Variants in POGZ observed in about 807,000 individuals in gnomAD.
POGZ encodes pogo transposable element derived with ZNF domain, also known as pogo transposable element with ZNF domain.
POGZ carries 17 observed loss-of-function variants against 134.6 expected under a neutral mutation model. The observed-to-expected ratio is 0.13, with a 90% CI of 0.09 to 0.19. The LOEUF (loss-of-function observed/expected upper bound fraction) is 0.19, where lower values mean the gene tolerates loss of function less well. Ranked by LOEUF, POGZ falls within the 10% of genes least tolerant of loss-of-function variation. POGZ has a pLI of 1.00. For synonymous variants in POGZ, 693 were observed against 657.1 expected, an observed-to-expected ratio of 1.05 and a Z score of -0.84; for missense variants, 1,306 against 1,769.7, an observed-to-expected ratio of 0.74 and a Z score of 4.70.
chr1:151,437,289 C>A (rs1659760496), intron 3 of POGZ, among the ~76,000 whole-genome samples: 1 of 150,222 alleles, frequency 6.7e-6, no homozygotes, highest in Non-Finnish European at 1.5e-5. Flanking sequence ...TTAATCACAT[C>A]TTTAATGTAG....
rs576019291 is a variant in POGZ, at chr1:151,421,270, AC to A, written c.1678+2126del. ...TTGCATATTTCTACTGCCTAGTGTT[AC>A]TGTAAGCCATTAATGTCAATCCCAC... On this transcript the variant is annotated intron_variant, in intron 10 of 18. Transcript: ENST00000271715. Among the ~76,000 whole-genome samples, 753 of 152,166 alleles carry A rather than the reference AC, an allele frequency of 4.9e-3. 11 individuals are homozygous for A. The highest frequency in any genetic ancestry group is 0.017 in the African/African-American group (721 of 41,488).
chr1:151,445,170 C>T (rs1571554541), intron 1 of POGZ, among the ~76,000 whole-genome samples: 1 of 152,190 alleles, frequency 6.6e-6, no homozygotes. Flanking sequence ...ATCTCTTCTC[C>T]TTAGGTATGA....
intron 10 of POGZ, among the ~76,000 whole-genome samples, chr1:151,420,796 A>G (rs2102253932): frequency 6.6e-6 from 1 of 152,290 alleles, no homozygotes; most frequent in East Asian, 1.9e-4. Flanking sequence ...ATATCTCATT[A>G]ATTTTAAATT....
intron 11 of POGZ, 61 bp from the exon 12 acceptor site, chr1:151,411,832 A>T: frequency 6.9e-7 from 1 of 1,447,916 alleles, no homozygotes; most frequent in Non-Finnish European, 9.2e-7. Flanking sequence ...GAGGCCTTAA[A>T]AAAAAAGGTA....
intron 12 of POGZ, among the ~76,000 whole-genome samples, chr1:151,410,142 T>C (rs1654411280): frequency 6.6e-6 from 1 of 152,212 alleles, no homozygotes. Context: ...TCTCCTCTAG[T>C]GGCTCTCTTC....
At chr1:151,424,822 A>C in intron 8 of POGZ, 133 bp downstream of exon 8, 1 of 604,448 alleles carries the variant, frequency 1.7e-6, no homozygotes, top group South Asian at 2.0e-5. Context: ...AGCTCTTCTA[A>C]AAACAGACCA....
chr1:151,453,241 G>A (rs771202710), intron 1 of POGZ, among the ~76,000 whole-genome samples: 2 of 151,800 alleles, frequency 1.3e-5, no homozygotes, highest in African/African-American at 2.4e-5. Flanking sequence ...TTTCGCATGC[G>A]TGAAATTTTC....
chr1:151,426,967 T>C (rs1657892233), intron 7 of POGZ: 1 of 152,168 alleles, frequency 6.6e-6, no homozygotes. Context: ...GGCATGCTCA[T>C]GGCTCACTGC....
In POGZ at chr1:151,405,069, G is replaced by A. The variant is rs1653329983; in HGVS notation, c.3966C>T (p.Ser1322=). 6.2e-7 allele frequency: 1 copy of A among 1,614,216 alleles called. No homozygotes were observed. The highest frequency in any genetic ancestry group is 1.3e-5 in the African/African-American group (1 of 75,048). Residue 1322 remains serine, a synonymous_variant, in exon 19 of 19, where the codon TCC becomes TCT. Coordinates refer to ENST00000271715, the MANE Select transcript of POGZ (RefSeq NM_015100.4). This position sits in a 1 kb window ranked among gnomAD's most constrained non-coding sequence, Gnocchi z 4.9. ...CAGGCAGAACACTAGCCACCAGGAA[G>A]GAGCGCTGAACTAGCTCTGGACAGT... The part of the protein sequence containing the change: ...IGDCPELVQR[S]FLVASVLPGP...
At chr1:151,443,667 T>C (rs1015140016) in intron 1 of POGZ, among the ~76,000 whole-genome samples, 1 of 152,002 alleles carries the variant, frequency 6.6e-6, no homozygotes, top group African/African-American at 2.4e-5. Flanking sequence ...GAGCCACAAT[T>C]CACGCCACTG....
intron 7 of POGZ, 112 bp from the exon 8 acceptor site, chr1:151,425,173 A>C (rs1028911407): frequency 1.6e-6 from 1 of 636,508 alleles, no homozygotes; most frequent in Non-Finnish European, 2.9e-6. Flanking sequence ...AAGGGTAAGC[A>C]AGCATGAGAG....
At position 151,427,986 on chromosome 1, in the gene POGZ, C is replaced by T. The variant is rs1658058841; in HGVS notation, c.915G>A (p.Lys305=). 3.7e-6 allele frequency: 6 copies of T among 1,614,088 alleles called. No individual in the cohort carries two copies. In the African/African-American group the frequency reaches 4.0e-5, roughly 11 times the overall value. Residue 305 remains lysine (K), a synonymous_variant, in exon 7 of 19, where the codon AAG becomes AAA. Transcript: ENST00000271715. ...TATTTTCGCCTGTAACACCAGGTCG[C>T]TTCACAGTGACAAAGCTGGCAATGC... The part of the protein sequence containing the change: ...AVSIASFVTV[K]RPGVTGENSN...
intron 7 of POGZ, chr1:151,426,479 A>G (rs3001840): frequency 5.9e-5 from 9 of 152,102 alleles, no homozygotes; most frequent in African/African-American, 2.2e-4. Context: ...AACCACCACG[A>G]CCAGCGAGTC....
At chr1:151,436,999 GC>G (rs1430324078) in intron 3 of POGZ, among the ~76,000 whole-genome samples, 1 of 152,162 alleles carries the variant, frequency 6.6e-6, no homozygotes, top group Admixed American at 6.6e-5. Context: ...TTTGAGACCA[GC>G]CTAGCCAACA....
intron 1 of POGZ, among the ~76,000 whole-genome samples, chr1:151,444,103 G>A (rs1311813340): frequency 3.3e-5 from 5 of 152,142 alleles, no homozygotes; most frequent in African/African-American, 1.2e-4. Flanking sequence ...TATAGCCAGG[G>A]GCACTCTGGG....
intron 1 of POGZ, among the ~76,000 whole-genome samples, chr1:151,457,336 T>C (rs528435096): frequency 6.0e-4 from 92 of 152,320 alleles, no homozygotes; most frequent in African/African-American, 2.2e-3. Flanking sequence ...CTCAATGTAG[T>C]GGTTACATTA....
chr1:151,411,857 T>G, intron 11 of POGZ, 86 bp from the exon 12 acceptor site: 1 of 1,245,742 alleles, frequency 8.0e-7, no homozygotes, highest in Non-Finnish European at 1.1e-6. Flanking sequence ...CAAAAATTTT[T>G]AAATTAAAAA....
chr1:151,455,918 T>TTTTA (rs957916473), intron 1 of POGZ, among the ~76,000 whole-genome samples: 9 of 149,696 alleles, frequency 6.0e-5, no homozygotes, highest in African/African-American at 2.2e-4. Context: ...TTTTTTTTTT[T>TTTTA]AATAAATAGA....
At chr1:151,442,831 C>G (rs1430652455) in intron 1 of POGZ, among the ~76,000 whole-genome samples, 1 of 152,000 alleles carries the variant, frequency 6.6e-6, no homozygotes, top group Non-Finnish European at 1.5e-5. Context: ...GAGTTCAAGA[C>G]CAGCCTGGCC....
Sources: gnomAD v4.1 joint callset for allele counts (sites outside exome capture counted in the v4.1 genomes callset) on GRCh38, gnomAD v4.1.1 for gene constraint, Gnocchi (gnomAD v3.1) non-coding constraint, MANE v1.5 for transcripts, NCBI Gene and HGNC (gene_info 2026-07-23, HGNC 2026-07-21) for gene names.